The following USP13 variants were observed in gnomAD, a reference collection of about 807,000 sequenced individuals.
USP13 encodes the protein ubiquitin specific peptidase 13, also known as ubiquitin carboxyl-terminal hydrolase 13.
Under a neutral mutation model 107.8 loss-of-function variants are expected in USP13, and 68 were observed. The observed-to-expected ratio is 0.63, with a 90% CI of 0.52 to 0.77. USP13 has a LOEUF of 0.77. USP13 is among the 30% of genes least tolerant of loss of function. USP13 has a pLI of 0.00. For missense variants in USP13, 945 were observed against 1,093.3 expected, an observed-to-expected ratio of 0.86 and a Z score of 1.91; for synonymous variants, 377 against 389.5, an observed-to-expected ratio of 0.97 and a Z score of 0.38.
At chr3:179,744,354 TG>T (rs67522083) in intron 12 of USP13, among the ~76,000 whole-genome samples, 47,260 of 138,566 alleles carry the variant, frequency 0.34, 9,055 homozygotes, top group Non-Finnish European at 0.43. Flanking sequence ...TTTTTTTTTT[TG>T]TTTTGTTTTG....
At chr3:179,688,091 A>ATCCG (rs1385187665) in intron 2 of USP13, among the ~76,000 whole-genome samples, 352 of 148,064 alleles carry the variant, frequency 2.4e-3, no homozygotes, top group African/African-American at 8.7e-3. Context: ...CCATCCATCC[A>ATCCG]TCCATCCGTC....
intron 19 of USP13, 129 bp downstream of exon 19, chr3:179,765,977 GT>G (rs373091102): frequency 0.051 from 37,222 of 726,566 alleles, no homozygotes; most frequent in East Asian, 0.077. Flanking sequence ...CATCTTCTTC[GT>G]TTTTTTTTTT....
At chr3:179,675,341 T>A (rs916759981) in intron 1 of USP13, among the ~76,000 whole-genome samples, 6 of 151,948 alleles carry the variant, frequency 3.9e-5, no homozygotes, top group Non-Finnish European at 8.8e-5. Flanking sequence ...AGGTTAATTT[T>A]CTTCTATACT....
intron 8 of USP13, among the ~76,000 whole-genome samples, chr3:179,728,745 C>T (rs1382469938): frequency 2.0e-5 from 3 of 152,280 alleles, no homozygotes; most frequent in Middle Eastern, 3.4e-3. Flanking sequence ...CTCGGGAGGC[C>T]GAGGCTGGCG....
chr3:179,698,763 A>G (rs982942126), intron 3 of USP13, among the ~76,000 whole-genome samples: 1 of 152,158 alleles, frequency 6.6e-6, no homozygotes, highest in Non-Finnish European at 1.5e-5. Flanking sequence ...AAGTCTTTAC[A>G]GTGAAGATGA....
At chr3:179,732,849 G>A (rs1231053230) in intron 10 of USP13, among the ~76,000 whole-genome samples, 1 of 152,184 alleles carries the variant, frequency 6.6e-6, no homozygotes, top group African/African-American at 2.4e-5. Context: ...TTCGGTGGCT[G>A]TAGTGTAGTA....
chr3:179,733,712 C>T (rs1271535398), intron 10 of USP13, among the ~76,000 whole-genome samples: 2 of 152,150 alleles, frequency 1.3e-5, no homozygotes, highest in African/African-American at 4.8e-5. Context: ...AAGGATGGGT[C>T]AGAGCCATGT....
intron 19 of USP13, among the ~76,000 whole-genome samples, chr3:179,768,887 A>G (rs1715259199): frequency 6.6e-6 from 1 of 152,198 alleles, no homozygotes; most frequent in Non-Finnish European, 1.5e-5. Flanking sequence ...TCATATTGTG[A>G]GTTGTTGCTT....
intron 1 of USP13, among the ~76,000 whole-genome samples, chr3:179,658,753 C>T (rs1050108138): frequency 6.6e-6 from 1 of 152,138 alleles, no homozygotes; most frequent in African/African-American, 2.4e-5. Flanking sequence ...TCCACTGGCT[C>T]CCATCCCCCA....
intron 8 of USP13, among the ~76,000 whole-genome samples, chr3:179,727,619 C>A (rs1309301142): frequency 2.1e-5 from 2 of 94,540 alleles, no homozygotes; most frequent in African/African-American, 7.1e-5. Flanking sequence ...CCCCACCCTT[C>A]CCCCCTTTCT....
chr3:179,761,856 C>T (rs983290941), intron 17 of USP13, among the ~76,000 whole-genome samples: 2 of 152,046 alleles, frequency 1.3e-5, no homozygotes, highest in African/African-American at 2.4e-5. Flanking sequence ...TCTAACTAAG[C>T]GATGATGAAA....
chr3:179,739,867 A>G (rs1202592146), intron 10 of USP13, among the ~76,000 whole-genome samples: 3 of 152,112 alleles, frequency 2.0e-5, no homozygotes, highest in African/African-American at 4.8e-5. Flanking sequence ...CCTCTCTTTT[A>G]ACTTCCATCG....
At chr3:179,655,559 T>TTG (rs1720229255) in intron 1 of USP13, among the ~76,000 whole-genome samples, 1 of 132,838 alleles carries the variant, frequency 7.5e-6, no homozygotes. Flanking sequence ...TTTTTTTTGT[T>TTG]TTGTTTTGTT....
chr3:179,774,575 C>T (rs1274762431), intron 19 of USP13, among the ~76,000 whole-genome samples: 4 of 149,678 alleles, frequency 2.7e-5, no homozygotes, highest in East Asian at 1.9e-4. Flanking sequence ...TTTGTGGTCT[C>T]GCTGGCCTCA....
rs2108513281 is a variant in USP13, at chr3:179,742,189, T to C, written c.1381-8T>C. On this transcript the variant is annotated splice_region_variant and splice_polypyrimidine_tract_variant and intron_variant, in intron 11 of 20. Transcript: ENST00000263966. This position sits in a 1 kb window ranked among gnomAD's most constrained non-coding sequence, Gnocchi z 5.0. The stretch of plus-strand genomic sequence containing the variant: ...ACATTTACTAACCTGATACAATCCA[T>C]CCTTCAGAGGAACCGCATCGGCTCA... The C allele has an allele frequency of 6.2e-7, 1 of 1,614,190 alleles. No individual in the cohort carries two copies. Among genetic ancestry groups the C allele is most frequent in the Non-Finnish European group, 8.5e-7 (1 of 1,180,030 alleles).
chr3:179,686,484 G>C (rs1351449182), intron 2 of USP13, among the ~76,000 whole-genome samples: 2 of 152,202 alleles, frequency 1.3e-5, no homozygotes, highest in African/African-American at 2.4e-5. Flanking sequence ...GGGAGGCTGA[G>C]GCGGGAGGAA....
chr3:179,736,231 C>G (rs1209882240), intron 10 of USP13, among the ~76,000 whole-genome samples: 2 of 152,166 alleles, frequency 1.3e-5, no homozygotes, highest in African/African-American at 4.8e-5. Context: ...TAAGTTTGCT[C>G]TAAAGATTGC....
At chr3:179,773,978 A>G (rs1250780815) in intron 19 of USP13, among the ~76,000 whole-genome samples, 2 of 152,148 alleles carry the variant, frequency 1.3e-5, no homozygotes, top group African/African-American at 4.8e-5. Context: ...CTGTAAGAGA[A>G]TACCTGAGAG....
At chr3:179,713,533 C>T (rs1713001882) in intron 6 of USP13, among the ~76,000 whole-genome samples, 1 of 152,000 alleles carries the variant, frequency 6.6e-6, no homozygotes, top group African/African-American at 2.4e-5. Context: ...CTGGGGGTAG[C>T]CATCTCTCGG....
Sources: gnomAD v4.1 joint callset for allele counts (sites outside exome capture counted in the v4.1 genomes callset) on GRCh38, gnomAD v4.1.1 for gene constraint, Gnocchi (gnomAD v3.1) non-coding constraint, MANE v1.5 for transcripts, NCBI Gene and HGNC (gene_info 2026-07-23, HGNC 2026-07-21) for gene names.